Variants in CALN1 observed in about 807,000 individuals in gnomAD.
The protein encoded by CALN1 is calcium-binding protein 8.
A neutral mutation model predicts 30.6 loss-of-function variants in CALN1; 17 were observed. The ratio of observed to expected loss-of-function variants is 0.56; its 90% CI spans 0.38 to 0.83. The LOEUF (loss-of-function observed/expected upper bound fraction) is 0.83, where lower values mean the gene tolerates loss of function less well. Among genes scored for constraint, CALN1 ranks in the 40% least tolerant of loss-of-function variants. The pLI, the probability that CALN1 is intolerant of heterozygous loss-of-function variation, is 0.00. For missense variants in CALN1, 291 were observed against 354.9 expected, an observed-to-expected ratio of 0.82 and a Z score of 1.45; for synonymous variants, 156 against 131.4, an observed-to-expected ratio of 1.19 and a Z score of -1.28.
chr7:72,227,182 A>G (rs1212619970), intron 3 of CALN1, among the ~76,000 whole-genome samples: 1 of 152,010 alleles, frequency 6.6e-6, no homozygotes, highest in East Asian at 1.9e-4. Flanking sequence ...GCATCATGCA[A>G]TATACCTTTG....
intron 1 of CALN1, among the ~76,000 whole-genome samples, chr7:72,427,986 T>G (rs1051870475): frequency 3.3e-5 from 5 of 152,160 alleles, no homozygotes; most frequent in African/African-American, 1.2e-4. Context: ...ACACCTGATA[T>G]TCCGTCCAGG....
intron 2 of CALN1, among the ~76,000 whole-genome samples, chr7:72,357,937 T>C (rs1050574471): frequency 6.6e-6 from 1 of 151,072 alleles, no homozygotes; most frequent in East Asian, 1.9e-4. Flanking sequence ...CCTGAGTAGC[T>C]AGGATTACTG....
At chr7:71,902,756 C>A (rs555761323) in intron 5 of CALN1, among the ~76,000 whole-genome samples, 9 of 152,084 alleles carry the variant, frequency 5.9e-5, no homozygotes, top group African/African-American at 1.7e-4. Flanking sequence ...AGAAGTATTG[C>A]ATAAGGAAAA....
In CALN1 at chr7:72,428,373, T is replaced by G. The variant is rs1807863267; in HGVS notation, c.-225-16098A>C. Among the ~76,000 whole-genome samples the G allele has an allele frequency of 2.0e-5, 3 of 151,612 alleles. No individual in the cohort carries two copies. The South Asian group carries it at 6.3e-4, about 32-fold the overall frequency. On this transcript the variant is annotated intron_variant, in intron 1 of 6. Transcript: ENST00000395276. Reference sequence around the variant, plus strand: ...GTGAGAAAGGCACAGATTGATTTTTTTTTTGTTTTTATTTTATTTTATTAT... The same window carrying G: ...GTGAGAAAGGCACAGATTGATTTTTGTTTTGTTTTTATTTTATTTTATTAT...
intron 5 of CALN1, among the ~76,000 whole-genome samples, chr7:71,885,300 T>C (rs1325665305): frequency 1.3e-5 from 2 of 152,100 alleles, no homozygotes; most frequent in Non-Finnish European, 1.5e-5. Context: ...TACAGGCGCC[T>C]GCCACCACAC....
intron 5 of CALN1, among the ~76,000 whole-genome samples, chr7:72,014,380 A>G (rs844707): frequency 6.6e-6 from 1 of 151,684 alleles, no homozygotes; most frequent in Admixed American, 6.6e-5. Context: ...AGCCACTGCA[A>G]CCAGCTGAGT....
At chr7:71,900,033 A>T (rs1793763242) in intron 5 of CALN1, among the ~76,000 whole-genome samples, 1 of 152,244 alleles carries the variant, frequency 6.6e-6, no homozygotes, top group African/African-American at 2.4e-5. Context: ...AAAACTTGCT[A>T]GACTTGTCTA....
chr7:72,410,732 A>C (rs895316283), intron 1 of CALN1, among the ~76,000 whole-genome samples: 9 of 152,204 alleles, frequency 5.9e-5, no homozygotes, highest in African/African-American at 2.2e-4. Flanking sequence ...AATCAGAGTA[A>C]AATAGGGAAC....
At position 72,412,262 on chromosome 7, in the gene CALN1, G is replaced by GAGTAAGC. The variant is rs1807230606; in HGVS notation, c.-285_-279dup. The GAGTAAGC allele has an allele frequency of 1.3e-5, 2 of 152,204 alleles. No individual in the cohort carries two copies. Among genetic ancestry groups the GAGTAAGC allele is most frequent in the South Asian group, 2.1e-4 (1 of 4,828 alleles). The allele number at this position is 152,204 out of a possible 1,614,324, so 9.4% of individuals were successfully genotyped here. ...GAGCTTTAAAGGTGGCGCGGACCCA[G>GAGTAAGC]AGTAAGCAGTAAGCTTTATTAAGAA... On this transcript the variant is annotated 5_prime_UTR_variant, in exon 1 of 7. Coordinates refer to ENST00000395275, the MANE Select transcript of CALN1 (RefSeq NM_031468.4).
intron 5 of CALN1, among the ~76,000 whole-genome samples, chr7:71,998,715 C>T (rs1346281783): frequency 3.3e-5 from 5 of 151,888 alleles, no homozygotes. Context: ...CACCAACATG[C>T]CCAGCTAATT....
chr7:71,799,201 G>A (rs539347583), intron 6 of CALN1, among the ~76,000 whole-genome samples: 1 of 152,274 alleles, frequency 6.6e-6, no homozygotes, highest in South Asian at 2.1e-4. Context: ...TGTCATGGAT[G>A]ATGTTGTTTA....
rs1562768405 is a variant in CALN1, at chr7:71,782,058, TGAC to T, written c.*5714_*5716del. 1 of 152,172 alleles carries T rather than the reference TGAC, an allele frequency of 6.6e-6. No homozygotes were observed. The highest frequency in any genetic ancestry group is 1.5e-5 in the Non-Finnish European group (1 of 68,042). The allele number at this position is 152,172 out of a possible 1,614,324, so 9.4% of individuals were successfully genotyped here. A position where few individuals can be genotyped will look rare whatever the true frequency, so the allele number is the denominator to read the frequency against. On this transcript the variant is annotated 3_prime_UTR_variant, in exon 7 of 7. Transcript: ENST00000395275. Reference sequence around the variant, plus strand: ...TCAAAATGACCATATGCATTAGCAATGACCATAGGATACTAAGAGAAATGCTTG... The same window carrying T: ...TCAAAATGACCATATGCATTAGCAATCATAGGATACTAAGAGAAATGCTTG...
In CALN1 at chr7:71,849,900, T is replaced by C. The variant is rs1182613182; in HGVS notation, c.502-39408A>G. Among the ~76,000 whole-genome samples the C allele has an allele frequency of 2.6e-5, 4 of 152,264 alleles. No individual in the cohort carries two copies. In the East Asian group the frequency reaches 7.7e-4, roughly 29 times the overall value. ...CTCCCGCCCAGGCCTTCCAAAGCACTGGGATTAGAGAATTGAGCCATCGCA... is the reference window on the plus strand; with the variant it reads ...CTCCCGCCCAGGCCTTCCAAAGCACCGGGATTAGAGAATTGAGCCATCGCA... On this transcript the variant is annotated intron_variant, in intron 5 of 6. Coordinates refer to ENST00000395275, the MANE Select transcript of CALN1 (RefSeq NM_031468.4).
chr7:72,143,052 C>A (rs1260830850), intron 3 of CALN1, among the ~76,000 whole-genome samples: 1 of 152,136 alleles, frequency 6.6e-6, no homozygotes, highest in Non-Finnish European at 1.5e-5. Context: ...ACTGAAAATT[C>A]TAAAAATCAA....
chr7:71,903,462 C>G (rs533950496), intron 5 of CALN1, among the ~76,000 whole-genome samples: 1 of 152,274 alleles, frequency 6.6e-6, no homozygotes, highest in African/African-American at 2.4e-5. Context: ...AAAGAATAGT[C>G]TCTTCAATGA....
chr7:71,983,541 CTTTT>C (rs1562955441), intron 5 of CALN1, among the ~76,000 whole-genome samples: 1 of 149,998 alleles, frequency 6.7e-6, no homozygotes, highest in African/African-American at 2.5e-5. Flanking sequence ...CTTTTTTTTT[CTTTT>C]TTTGAGACGG....
chr7:72,092,960 C>T (rs1314257856), intron 4 of CALN1, among the ~76,000 whole-genome samples: 1 of 152,128 alleles, frequency 6.6e-6, no homozygotes, highest in Admixed American at 6.5e-5. Context: ...CGCGATGACA[C>T]ACAGTCTGAG....
intron 5 of CALN1, among the ~76,000 whole-genome samples, chr7:71,847,792 AAGAAAAGAAGAAAAGAAGG>A (rs1790386114): frequency 6.7e-6 from 1 of 148,316 alleles, no homozygotes; most frequent in Non-Finnish European, 1.5e-5. Context: ...GAAGAAGAAG[AAGAAAAGAAGAAAAGAAGG>A]AGAAGGAGAA....
chr7:72,384,642 T>TG (rs1805098940), intron 2 of CALN1, among the ~76,000 whole-genome samples: 1 of 150,984 alleles, frequency 6.6e-6, no homozygotes, highest in Non-Finnish European at 1.5e-5. Context: ...AGACCCCGTC[T>TG]CAAGAAAAAA....
Sources: gnomAD v4.1 joint callset for allele counts (sites outside exome capture counted in the v4.1 genomes callset) on GRCh38, gnomAD v4.1.1 for gene constraint, MANE v1.5 for transcripts, NCBI Gene and HGNC (gene_info 2026-07-23, HGNC 2026-07-21) for gene names.